The following DNAJC5B variants were observed in gnomAD, a reference collection of about 807,000 sequenced individuals.
DNAJC5B encodes DnaJ heat shock protein family (Hsp40) member C5 beta, also known as dnaJ homolog subfamily C member 5B.
In DNAJC5B, 23 loss-of-function variants were observed where a neutral mutation model predicts 24.7. That is an observed-to-expected ratio of 0.93 (90% CI 0.67 to 1.32). The LOEUF (loss-of-function observed/expected upper bound fraction) is 1.32. DNAJC5B is among the 40% of genes most tolerant of loss of function. The probability of loss-of-function intolerance (pLI) is 0.00; values close to 1 mark genes in which losing one functional copy is unlikely to be tolerated. For missense variants in DNAJC5B, 238 were observed against 240.8 expected (o/e 0.99, Z 0.08); for synonymous variants, 101 against 90.1 (o/e 1.12, Z -0.68).
At chr8:66,041,642 A>G (rs1806611811) in intron 1 of DNAJC5B, among the ~76,000 whole-genome samples, 1 of 152,186 alleles carries the variant, frequency 6.6e-6, no homozygotes, top group Non-Finnish European at 1.5e-5. Context: ...TTTTCAAAAC[A>G]TAAATGATCC....
chr8:66,098,333 A>C (rs1016286152), intron 5 of DNAJC5B, among the ~76,000 whole-genome samples: 1 of 151,982 alleles, frequency 6.6e-6, no homozygotes, highest in Admixed American at 6.6e-5. Context: ...CCTCCTGAAT[A>C]CTGGGACCAC....
At chr8:66,020,645 TG>T (rs1450961355), upstream of DNAJC5B, among the ~76,000 whole-genome samples, 74 of 128,470 alleles carry the variant, frequency 5.8e-4, no homozygotes, top group Admixed American at 2.4e-3. Context: ...TGTGTGTGTG[TG>T]TGTGTGTTTT....
At chr8:66,051,326 A>G (rs1297200344) in intron 2 of DNAJC5B, among the ~76,000 whole-genome samples, 1 of 152,100 alleles carries the variant, frequency 6.6e-6, no homozygotes, top group East Asian at 1.9e-4. Context: ...GCCCTGTTCC[A>G]TTTGCATGGC....
At chr8:66,026,447 CA>C (rs1167994921) in intron 1 of DNAJC5B, among the ~76,000 whole-genome samples, 1 of 152,206 alleles carries the variant, frequency 6.6e-6, no homozygotes, top group Non-Finnish European at 1.5e-5. Context: ...GCAGCCTTGA[CA>C]AGTTTTATTT....
At chr8:66,040,901 CT>C (rs896455083) in intron 1 of DNAJC5B, among the ~76,000 whole-genome samples, 42 of 151,472 alleles carry the variant, frequency 2.8e-4, no homozygotes, top group African/African-American at 6.5e-4. Flanking sequence ...TTAAAAGGGA[CT>C]TTTTTTTTAA....
chr8:66,032,848 A>C (rs1051806246), intron 1 of DNAJC5B, among the ~76,000 whole-genome samples: 2 of 152,176 alleles, frequency 1.3e-5, no homozygotes, highest in Non-Finnish European at 2.9e-5. Flanking sequence ...AGTTCTAAAC[A>C]TAACTATGAG....
chr8:66,046,676 C>T (rs569749482), intron 2 of DNAJC5B, among the ~76,000 whole-genome samples: 6 of 152,220 alleles, frequency 3.9e-5, no homozygotes, highest in South Asian at 2.1e-4. Flanking sequence ...GGTATATGCC[C>T]GCTGCCCCTC....
At chr8:66,042,073 C>G (rs917089566) in intron 1 of DNAJC5B, among the ~76,000 whole-genome samples, 2 of 152,190 alleles carry the variant, frequency 1.3e-5, no homozygotes, top group African/African-American at 2.4e-5. Flanking sequence ...GTTCTTGCAG[C>G]ATCTCTCCAA....
intron 3 of DNAJC5B, chr8:66,057,010 G>A (rs1454574243): frequency 6.6e-6 from 1 of 152,196 alleles, no homozygotes; most frequent in Non-Finnish European, 1.5e-5. Flanking sequence ...TTAGTGGCAG[G>A]CGCCTATAGT....
intron 3 of DNAJC5B, among the ~76,000 whole-genome samples, chr8:66,060,211 G>A (rs1586089656): frequency 6.6e-6 from 1 of 152,136 alleles, no homozygotes; most frequent in Non-Finnish European, 1.5e-5. Context: ...TTAGACTCTA[G>A]ATCTCATCCA....
intron 3 of DNAJC5B, among the ~76,000 whole-genome samples, chr8:66,076,070 T>A (rs1807454730): frequency 6.6e-6 from 1 of 152,198 alleles, no homozygotes; most frequent in Non-Finnish European, 1.5e-5. Context: ...GATTATTAAG[T>A]GGAAAACCCT....
intron 5 of DNAJC5B, among the ~76,000 whole-genome samples, chr8:66,084,063 C>T (rs891805308): frequency 3.9e-5 from 6 of 152,166 alleles, no homozygotes; most frequent in Non-Finnish European, 8.8e-5. Context: ...CTTGGATCTA[C>T]CCTCTCCTTA....
At chr8:66,089,009 C>G (rs1475684713) in intron 5 of DNAJC5B, among the ~76,000 whole-genome samples, 7 of 152,152 alleles carry the variant, frequency 4.6e-5, no homozygotes. Flanking sequence ...CTGCCTGTAC[C>G]AATTTTCTGT....
At chr8:66,041,720 T>G (rs1806614023) in intron 1 of DNAJC5B, among the ~76,000 whole-genome samples, 1 of 152,280 alleles carries the variant, frequency 6.6e-6, no homozygotes, top group Admixed American at 6.5e-5. Flanking sequence ...GTGCTTACCA[T>G]GAGTTATTTC....
chr8:66,079,015 A>G (rs547994803), intron 4 of DNAJC5B, among the ~76,000 whole-genome samples: 1 of 152,276 alleles, frequency 6.6e-6, no homozygotes, highest in South Asian at 2.1e-4. Flanking sequence ...CTTTCTTTCT[A>G]TTTCAAATTA....
At chr8:66,075,387 T>G (rs944546292) in intron 3 of DNAJC5B, among the ~76,000 whole-genome samples, 2 of 152,084 alleles carry the variant, frequency 1.3e-5, no homozygotes, top group Non-Finnish European at 2.9e-5. Flanking sequence ...GGGGGGGAAA[T>G]GCTGCAATTC....
intron 2 of DNAJC5B, among the ~76,000 whole-genome samples, chr8:66,048,121 G>A (rs117851178): frequency 0.055 from 8,309 of 152,066 alleles, 339 homozygotes; most frequent in Middle Eastern, 0.095. Flanking sequence ...CAACCTGAAG[G>A]CCCCCCACTA....
At chr8:66,064,020 G>A (rs910638942) in intron 3 of DNAJC5B, among the ~76,000 whole-genome samples, 7 of 152,084 alleles carry the variant, frequency 4.6e-5, no homozygotes, top group African/African-American at 7.2e-5. Flanking sequence ...CATCTTCTTG[G>A]GGGTGAAACA....
At chr8:66,083,543 GAT>G (rs922922390) in intron 5 of DNAJC5B, among the ~76,000 whole-genome samples, 10 of 152,224 alleles carry the variant, frequency 6.6e-5, no homozygotes, top group Admixed American at 3.3e-4. Flanking sequence ...GAACACCTTT[GAT>G]TTGTACATTT....
Sources: gnomAD v4.1 joint callset for allele counts (sites outside exome capture counted in the v4.1 genomes callset) on GRCh38, gnomAD v4.1.1 for gene constraint, MANE v1.5 for transcripts, NCBI Gene and HGNC (gene_info 2026-07-23, HGNC 2026-07-21) for gene names.